EYS: variants seen among roughly 807,000 people sequenced by gnomAD.
The protein encoded by EYS is EGF-like photoreceptor maintenance factor.
EYS carries 250 observed loss-of-function variants against 282.1 expected under a neutral mutation model. That is an observed-to-expected ratio of 0.89 (90% CI 0.80 to 0.98). The LOEUF is 0.98. Among genes scored for constraint, EYS ranks in the 50% least tolerant of loss-of-function variants. The pLI is 0.00. For synonymous variants in EYS, 1,355 were observed against 1,282.9 expected (o/e 1.06, Z -1.20); for missense variants, 4,016 against 3,709.0 (o/e 1.08, Z -2.15).
chr6:64,878,810 G>A (rs10485055), intron 19 of EYS, among the ~76,000 whole-genome samples: 4,631 of 151,806 alleles, frequency 0.031, 138 homozygotes, highest in East Asian at 0.16. Flanking sequence ...GCATTAATGA[G>A]CAATTCTTGG....
At chr6:64,238,194 A>C (rs1255529964) in intron 30 of EYS, among the ~76,000 whole-genome samples, 1 of 152,162 alleles carries the variant, frequency 6.6e-6, no homozygotes, top group South Asian at 2.1e-4. Context: ...ACACAGTCAC[A>C]AATAGGATTC....
At chr6:64,981,223 G>T (rs1157203461) in intron 14 of EYS, among the ~76,000 whole-genome samples, 5 of 151,240 alleles carry the variant, frequency 3.3e-5, no homozygotes, top group Non-Finnish European at 5.9e-5. Context: ...ATGAGAAAAA[G>T]AATACGTAAA....
intron 12 of EYS, among the ~76,000 whole-genome samples, chr6:65,085,999 C>A (rs1157076972): frequency 6.6e-6 from 1 of 151,278 alleles, no homozygotes; most frequent in Non-Finnish European, 1.5e-5. Flanking sequence ...TCTGGAGTAC[C>A]TGGCTTAATG....
chr6:64,822,886 T>C, intron 19 of EYS, 64 bp from the exon 20 acceptor site: 1 of 1,373,220 alleles, frequency 7.3e-7, no homozygotes. Context: ...AAAAGTTTGT[T>C]CATTATGGTA....
intron 29 of EYS, among the ~76,000 whole-genome samples, chr6:64,338,941 A>C (rs76145259): frequency 0.062 from 9,191 of 148,584 alleles, 705 homozygotes; most frequent in African/African-American, 0.19. Flanking sequence ...ATATAGGAGA[A>C]TGAAACTGGA....
intron 26 of EYS, among the ~76,000 whole-genome samples, chr6:64,446,986 T>G (rs866267198): frequency 0.04 from 5,543 of 138,230 alleles, 131 homozygotes; most frequent in Non-Finnish European, 0.061. Context: ...TGTGTGTGTG[T>G]GGGGGGGGGG....
chr6:64,623,814 A>C (rs1416003957), intron 23 of EYS, among the ~76,000 whole-genome samples: 1 of 152,136 alleles, frequency 6.6e-6, no homozygotes, highest in Admixed American at 6.5e-5. Context: ...AAAATTGTAC[A>C]CAAGAGAGTT....
At chr6:64,008,028 C>T (rs1482515846) in intron 33 of EYS, among the ~76,000 whole-genome samples, 1 of 152,038 alleles carries the variant, frequency 6.6e-6, no homozygotes, top group African/African-American at 2.4e-5. Context: ...TCCTGAATAT[C>T]TTTGTCAGTT....
chr6:65,075,191 C>A (rs191553804), intron 12 of EYS, among the ~76,000 whole-genome samples: 1 of 151,960 alleles, frequency 6.6e-6, no homozygotes, highest in East Asian at 1.9e-4. Flanking sequence ...GTGTTTGTAT[C>A]CCACCAAGAG....
At chr6:64,751,522 C>T (rs1772755529) in intron 22 of EYS, among the ~76,000 whole-genome samples, 2 of 152,210 alleles carry the variant, frequency 1.3e-5, no homozygotes, top group African/African-American at 4.8e-5. Context: ...GGTCCAGCTC[C>T]AGGCAGCTTT....
intron 15 of EYS, among the ~76,000 whole-genome samples, chr6:64,940,309 C>T (rs1482965343): frequency 6.6e-6 from 1 of 151,980 alleles, no homozygotes; most frequent in East Asian, 1.9e-4. Context: ...TGTCTGGTGA[C>T]TGCCAACAGC....
intron 1 of EYS, among the ~76,000 whole-genome samples, chr6:65,663,111 G>A (rs1768061274): frequency 6.6e-6 from 1 of 152,022 alleles, no homozygotes; most frequent in Admixed American, 6.6e-5. Flanking sequence ...ATCATACGGG[G>A]GTAATCACAA....
chr6:64,230,276 G>T (rs990249294), intron 31 of EYS, among the ~76,000 whole-genome samples: 5 of 151,704 alleles, frequency 3.3e-5, no homozygotes, highest in Non-Finnish European at 5.9e-5. Flanking sequence ...TTGTCTCTGT[G>T]GAAACAAAGG....
chr6:65,479,170 T>G (rs1562209610), intron 5 of EYS, among the ~76,000 whole-genome samples: 1 of 151,756 alleles, frequency 6.6e-6, no homozygotes. Context: ...CTAAAATGAA[T>G]AGAGCCTCAG....
At chr6:64,106,626 TTGTG>T (rs35062611) in intron 31 of EYS, among the ~76,000 whole-genome samples, 1 of 150,480 alleles carries the variant, frequency 6.6e-6, no homozygotes, top group Admixed American at 6.6e-5. Flanking sequence ...GTAGCTGGTT[TTGTG>T]TGTGTGTGTG....
intron 5 of EYS, among the ~76,000 whole-genome samples, chr6:65,467,078 A>G (rs1046818772): frequency 6.6e-6 from 1 of 152,022 alleles, no homozygotes; most frequent in Admixed American, 6.6e-5. Flanking sequence ...TCACTTTTGC[A>G]CCCACCTAAT....
At chr6:64,411,300 C>T (rs546993431) in intron 28 of EYS, among the ~76,000 whole-genome samples, 16 of 151,796 alleles carry the variant, frequency 1.1e-4, no homozygotes, top group Admixed American at 2.0e-4. Context: ...CTTGACAATC[C>T]ATAAAACATA....
chr6:64,573,019 A>G (rs1188651658), intron 26 of EYS, among the ~76,000 whole-genome samples: 1 of 152,200 alleles, frequency 6.6e-6, no homozygotes, highest in Non-Finnish European at 1.5e-5. Context: ...CCTGACTTCA[A>G]ACTATGCTAC....
At chr6:64,801,908 T>C (rs1267827507) in intron 22 of EYS, among the ~76,000 whole-genome samples, 1 of 152,024 alleles carries the variant, frequency 6.6e-6, no homozygotes, top group Non-Finnish European at 1.5e-5. Flanking sequence ...CCAATCTATC[T>C]TTGCCTATCT....
Sources: gnomAD v4.1 joint callset for allele counts (sites outside exome capture counted in the v4.1 genomes callset) on GRCh38, gnomAD v4.1.1 for gene constraint, MANE v1.5 for transcripts, NCBI Gene and HGNC (gene_info 2026-07-23, HGNC 2026-07-21) for gene names.